SH3PXD2A: variants seen among roughly 807,000 people sequenced by gnomAD.
SH3PXD2A encodes the protein SH3 and PX domain-containing protein 2A.
A neutral mutation model predicts 115.2 loss-of-function variants in SH3PXD2A; 32 were observed. The ratio of observed to expected loss-of-function variants is 0.28; its 90% CI spans 0.21 to 0.37. The LOEUF (loss-of-function observed/expected upper bound fraction) is 0.37. Ranked by LOEUF, SH3PXD2A falls within the 10% of genes least tolerant of loss-of-function variation. The pLI, the probability that SH3PXD2A is intolerant of heterozygous loss-of-function variation, is 1.00. For missense variants in SH3PXD2A, 1,328 were observed against 1,498.7 expected, an observed-to-expected ratio of 0.89 and a Z score of 1.88; for synonymous variants, 610 against 629.1, an observed-to-expected ratio of 0.97 and a Z score of 0.45.
At chr10:103,843,763 G>A (rs1462968808) in intron 1 of SH3PXD2A, among the ~76,000 whole-genome samples, 1 of 152,170 alleles carries the variant, frequency 6.6e-6, no homozygotes. Flanking sequence ...GTCAGATAAA[G>A]CCGTCGGGCT....
At chr10:103,680,626 A>C (rs1420590257) in intron 6 of SH3PXD2A, among the ~76,000 whole-genome samples, 1 of 152,222 alleles carries the variant, frequency 6.6e-6, no homozygotes. Context: ...AACATGACCC[A>C]GTTGTCTTGG....
At chr10:103,669,278 C>A (rs1398045403) in intron 6 of SH3PXD2A, among the ~76,000 whole-genome samples, 2 of 152,180 alleles carry the variant, frequency 1.3e-5, no homozygotes, top group Non-Finnish European at 2.9e-5. Context: ...AGGACAGGGA[C>A]CTTGAGTGAC....
intron 2 of SH3PXD2A, among the ~76,000 whole-genome samples, chr10:103,788,087 G>C (rs1363414970): frequency 2.0e-5 from 3 of 152,140 alleles, no homozygotes; most frequent in Non-Finnish European, 4.4e-5. Flanking sequence ...CTGTTCACAG[G>C]GAGGATCGGA....
intron 5 of SH3PXD2A, among the ~76,000 whole-genome samples, chr10:103,708,667 G>A (rs899145393): frequency 6.6e-6 from 1 of 152,148 alleles, no homozygotes; most frequent in African/African-American, 2.4e-5. Context: ...GCCTTCTAGT[G>A]TCACCTCCAA....
chr10:103,833,952 C>T (rs992491103), intron 1 of SH3PXD2A, among the ~76,000 whole-genome samples: 13 of 152,272 alleles, frequency 8.5e-5, no homozygotes, highest in Middle Eastern at 6.8e-3. Flanking sequence ...CTCCCCTCCC[C>T]CTCCCGGAAA....
intron 5 of SH3PXD2A, among the ~76,000 whole-genome samples, chr10:103,718,760 G>GACACACACACACACAC: frequency 7.8e-6 from 1 of 128,418 alleles, no homozygotes; most frequent in East Asian, 2.4e-4. Context: ...CCCCAATCAG[G>GACACACACACACACAC]ACACACACAC....
At chr10:103,781,798 A>C (rs1564887632) in intron 2 of SH3PXD2A, among the ~76,000 whole-genome samples, 1 of 152,228 alleles carries the variant, frequency 6.6e-6, no homozygotes, top group Non-Finnish European at 1.5e-5. Context: ...GACTTGCCAG[A>C]TGGCCTCTGA....
At chr10:103,645,520 G>A (rs1467855092) in intron 8 of SH3PXD2A, among the ~76,000 whole-genome samples, 1 of 152,166 alleles carries the variant, frequency 6.6e-6, no homozygotes, top group Non-Finnish European at 1.5e-5. Flanking sequence ...AGTCCTGACA[G>A]CTCATGTAGT....
At chr10:103,807,235 T>A (rs182725445) in intron 1 of SH3PXD2A, among the ~76,000 whole-genome samples, 3,176 of 152,258 alleles carry the variant, frequency 0.021, 57 homozygotes, top group Middle Eastern at 0.044. Context: ...AGCCCAACCA[T>A]TCCTAGAAGG....
intron 8 of SH3PXD2A, among the ~76,000 whole-genome samples, chr10:103,640,329 A>C (rs1236505437): frequency 6.6e-6 from 1 of 152,044 alleles, no homozygotes; most frequent in Non-Finnish European, 1.5e-5. Flanking sequence ...AATTAAAAAA[A>C]AAAAAAGAAA....
intron 3 of SH3PXD2A, among the ~76,000 whole-genome samples, chr10:103,736,316 G>C (rs1336920580): frequency 6.6e-6 from 1 of 152,242 alleles, no homozygotes; most frequent in Non-Finnish European, 1.5e-5. Context: ...GGCTGTCCCA[G>C]CCTGACTCTT....
At chr10:103,764,169 C>T (rs994949839) in intron 3 of SH3PXD2A, among the ~76,000 whole-genome samples, 4 of 152,216 alleles carry the variant, frequency 2.6e-5, no homozygotes, top group African/African-American at 9.7e-5. Context: ...TCCTCACACC[C>T]ACTCAACTTG....
intron 2 of SH3PXD2A, among the ~76,000 whole-genome samples, chr10:103,796,161 C>A (rs966055544): frequency 6.6e-6 from 1 of 151,676 alleles, no homozygotes; most frequent in African/African-American, 2.4e-5. Context: ...GAGTTTGAGA[C>A]CAGCCTGGGC....
chr10:103,679,360 G>A (rs1373707689), intron 6 of SH3PXD2A, among the ~76,000 whole-genome samples: 2 of 152,234 alleles, frequency 1.3e-5, no homozygotes, highest in Admixed American at 6.5e-5. Context: ...AGAAAAGCCA[G>A]CTTTAGTCTG....
At chr10:103,808,331 A>C in intron 1 of SH3PXD2A, among the ~76,000 whole-genome samples, 1 of 151,084 alleles carries the variant, frequency 6.6e-6, no homozygotes, top group East Asian at 2.0e-4. Flanking sequence ...AGCTCACTGC[A>C]ACCTCCGCCT....
intron 1 of SH3PXD2A, among the ~76,000 whole-genome samples, chr10:103,849,895 G>A (rs1450876424): frequency 6.6e-6 from 1 of 152,182 alleles, no homozygotes; most frequent in Non-Finnish European, 1.5e-5. Flanking sequence ...CTCGAGAGGA[G>A]TAAGTGGGAC....
chr10:103,693,477 AC>A (rs1280645795), intron 5 of SH3PXD2A: 1 of 151,186 alleles, frequency 6.6e-6, no homozygotes, highest in Non-Finnish European at 1.5e-5. Context: ...GGAGCGGTTC[AC>A]CTCCCAATTC....
chr10:103,777,206 A>G (rs998841247), intron 2 of SH3PXD2A, among the ~76,000 whole-genome samples: 1 of 152,268 alleles, frequency 6.6e-6, no homozygotes, highest in African/African-American at 2.4e-5. Flanking sequence ...GGCACTGAGT[A>G]AGTGCTCCAT....
rs1193524223 is a variant in SH3PXD2A, at chr10:103,756,147, A to C, written c.229+10947T>G. On this transcript the variant is annotated intron_variant, in intron 3 of 14. Coordinates refer to ENST00000369774, the MANE Select transcript of SH3PXD2A (RefSeq NM_001394015.1). This position sits in a 1 kb window ranked among gnomAD's most constrained non-coding sequence, Gnocchi z 4.4. Reference sequence around the variant, plus strand: ...TCAGTCCTGGGAACTGTGGAGGTGAAGGGGGAGGAGGTATTTTCAGCGCCC... The same window carrying C: ...TCAGTCCTGGGAACTGTGGAGGTGACGGGGGAGGAGGTATTTTCAGCGCCC... Among the ~76,000 whole-genome samples the C allele has an allele frequency of 6.6e-6, 1 of 152,086 alleles. No homozygotes were observed. The highest frequency in any genetic ancestry group is 1.5e-5 in the Non-Finnish European group (1 of 67,990).
Sources: allele counts gnomAD v4.1 joint callset (sites outside exome capture counted in the v4.1 genomes callset), GRCh38; gene constraint gnomAD v4.1.1; non-coding constraint Gnocchi (gnomAD v3.1); transcripts MANE v1.5; gene names NCBI Gene and HGNC (gene_info 2026-07-23, HGNC 2026-07-21).